The following KIF21B variants were observed in gnomAD, a reference collection of about 807,000 sequenced individuals.
The protein encoded by KIF21B is kinesin-like protein KIF21B.
A neutral mutation model predicts 192.9 loss-of-function variants in KIF21B; 85 were observed. That is an observed-to-expected ratio of 0.44 (90% confidence interval 0.37 to 0.53). KIF21B has a LOEUF of 0.53. KIF21B is among the 20% of genes least tolerant of loss of function. The pLI is 0.00. For synonymous variants in KIF21B, 832 were observed against 884.6 expected (o/e 0.94, Z 1.05); for missense variants, 1,716 against 2,194.8 (o/e 0.78, Z 4.36).
At chr1:201,022,683 G>A (rs1317453377) in intron 1 of KIF21B, among the ~76,000 whole-genome samples, 1 of 152,132 alleles carries the variant, frequency 6.6e-6, no homozygotes. Context: ...AGTGCCTGAG[G>A]ATGGGGCATC....
At chr1:201,005,057 G>T in intron 5 of KIF21B, 124 bp from the exon 6 acceptor site, 1 of 1,142,638 alleles carries the variant, frequency 8.8e-7, no homozygotes. Flanking sequence ...CGCACATGCA[G>T]AGCATCTGAC....
Position 201,000,805 on chromosome 1 carries a change from G to C in KIF21B, c.1403-25C>G. 3 of 1,613,790 alleles carry C rather than the reference G, an allele frequency of 1.9e-6. No homozygotes were observed. Among genetic ancestry groups the C allele is most frequent in the Non-Finnish European group, 2.5e-6 (3 of 1,179,708 alleles). ...CCTGGAGTGGGACGGCGGGAAGAAG[G>C]GTGCGATAAAGAAGATAAATAGGCC... On this transcript the variant is annotated intron_variant, in intron 9 of 34. Transcript: ENST00000461742. The surrounding 1 kb of genome is among the most constrained non-coding windows in gnomAD (Gnocchi z 6.0).
At position 200,999,250 on chromosome 1, in the gene KIF21B, G is replaced by T; in HGVS notation, c.1885+99C>A. ...TGGTTTCACGTCTGGGAGTGCTGGG[G>T]CCTGGACACCATTATCTTTGAGCAG... On this transcript the variant is annotated intron_variant, in intron 13 of 34. Coordinates refer to ENST00000461742, the MANE Select transcript of KIF21B (RefSeq NM_001252102.2). This position sits in a 1 kb window ranked among gnomAD's most constrained non-coding sequence, Gnocchi z 4.7. 7.0e-7 allele frequency: 1 copy of T among 1,424,882 alleles called. No individual in the cohort carries two copies. Among genetic ancestry groups the T allele is most frequent in the Non-Finnish European group, 9.9e-7 (1 of 1,012,470 alleles). 88.3% of individuals were successfully genotyped at this position (1,424,882 alleles called of 1,614,324 possible).
Position 200,998,673 on chromosome 1 carries a change from A to G in KIF21B, c.1886-98T>C. 1 of 1,067,170 alleles carries G rather than the reference A, an allele frequency of 9.4e-7. No homozygotes were observed. The highest frequency in any genetic ancestry group is 1.4e-6 in the Non-Finnish European group (1 of 727,610). 66.1% of individuals were successfully genotyped at this position (1,067,170 alleles called of 1,614,324 possible). A position where few individuals can be genotyped will look rare whatever the true frequency, so the allele number is the denominator to read the frequency against. On this transcript the variant is annotated intron_variant, in intron 13 of 34. Transcript: ENST00000461742. This position sits in a 1 kb window ranked among gnomAD's most constrained non-coding sequence, Gnocchi z 4.3. ...GGGGAGCTGGGACCCTCCTTTGGTC[A>G]GCCATGACCAATCAGTGACCAGAGA... is the stretch of plus-strand genomic sequence containing the variant.
Position 200,986,927 on chromosome 1 carries a change from G to C in KIF21B, c.3615-9C>G. 1 of 1,613,570 alleles carries C rather than the reference G, an allele frequency of 6.2e-7. No homozygotes were observed. Among genetic ancestry groups the C allele is most frequent in the Non-Finnish European group, 8.5e-7 (1 of 1,179,658 alleles). ...CTCGAGATTGCCTAGGGCTACAACA[G>C]AAGAGTCCAGTGAGGCCCAGACCCA... On this transcript the variant is annotated splice_polypyrimidine_tract_variant and intron_variant, in intron 25 of 34. Transcript: ENST00000461742.
At position 200,998,885 on chromosome 1, in the gene KIF21B, G is replaced by C. The variant is rs1395067533; in HGVS notation, c.1886-310C>G. Among the ~76,000 whole-genome samples, 1 of 152,198 alleles carries C rather than the reference G, an allele frequency of 6.6e-6. No individual in the cohort carries two copies. The highest frequency in any genetic ancestry group is 1.9e-4 in the East Asian group (1 of 5,192). On this transcript the variant is annotated intron_variant, in intron 13 of 34. Transcript: ENST00000461742. This position sits in a 1 kb window ranked among gnomAD's most constrained non-coding sequence, Gnocchi z 4.3. ...ACATGGGACCAGCTTCAGTGGAGGA[G>C]GGTGAGATGGCTGAGAGCAACTTAC...
At chr1:200,992,411 G>T in intron 15 of KIF21B, 22 bp from the exon 16 acceptor site, 1 of 1,610,122 alleles carries the variant, frequency 6.2e-7, no homozygotes, top group Non-Finnish European at 8.5e-7. Flanking sequence ...AGAGATTATG[G>T]TGGTGAGACA....
chr1:200,973,627 G>A, intron 34 of KIF21B, 49 bp from the exon 35 acceptor site: 1 of 1,521,704 alleles, frequency 6.6e-7, no homozygotes, highest in Non-Finnish European at 8.8e-7. Flanking sequence ...CTTGCAGTGG[G>A]CTTGGCTGGC....
At chr1:201,018,427 G>A (rs1658638761) in intron 1 of KIF21B, among the ~76,000 whole-genome samples, 1 of 152,212 alleles carries the variant, frequency 6.6e-6, no homozygotes, top group African/African-American at 2.4e-5. Flanking sequence ...TCCCATACAG[G>A]AGAATCTGGA....
At position 201,017,679 on chromosome 1, in the gene KIF21B, C is replaced by G. The variant is rs1658584345; in HGVS notation, c.41+5664G>C. Among the ~76,000 whole-genome samples the G allele has an allele frequency of 6.6e-6, 1 of 152,224 alleles. No homozygotes were observed. The highest frequency in any genetic ancestry group is 1.5e-5 in the Non-Finnish European group (1 of 68,020). On this transcript the variant is annotated intron_variant, in intron 1 of 34. Transcript: ENST00000461742. The surrounding 1 kb of genome is among the most constrained non-coding windows in gnomAD (Gnocchi z 4.1). ...GTGGAGGGCAGCAAGCCTCTCCCCA[C>G]CACACCGGCCCTGGCCCCCTGCCCA...
intron 30 of KIF21B, among the ~76,000 whole-genome samples, chr1:200,978,014 G>A (rs1202429201): frequency 1.3e-5 from 2 of 151,562 alleles, no homozygotes; most frequent in South Asian, 2.1e-4. Context: ...GATTACAGGC[G>A]TGAGCCACTG....
Position 200,972,465 on chromosome 1 carries a change from C to T in KIF21B, c.*1056G>A, listed in dbSNP as rs959854217. ...CACGCAGGACTGTGGGGCAGAACCC[C>T]GGGGCCTGGGCTGTGGGGTGAGCGC... On this transcript the variant is annotated 3_prime_UTR_variant, in exon 35 of 35. Transcript: ENST00000461742. 1.3e-5 allele frequency: 2 copies of T among 152,288 alleles called. No homozygotes were observed. The highest frequency in any genetic ancestry group is 2.9e-5 in the Non-Finnish European group (2 of 68,050). The allele number at this position is 152,288 out of a possible 1,614,324, so 9.4% of individuals were successfully genotyped here. A position where few individuals can be genotyped will look rare whatever the true frequency, so the allele number is the denominator to read the frequency against.
At position 201,004,896 on chromosome 1, in the gene KIF21B, G is replaced by A. The variant is rs1199476738; in HGVS notation, c.770C>T (p.Pro257Leu). 4 of 1,611,292 alleles carry A rather than the reference G, an allele frequency of 2.5e-6. No individual in the cohort carries two copies. The South Asian group carries it at 3.3e-5, about 13-fold the overall frequency. The part of the protein sequence containing the change: ...EAVTGLPDGT[P>L]PSSEYETLTA... ...GAGTGTCTCATACTCACTCGAGGGAGGTGTACCATCAGGAAGCCCAGTCAC... is the reference window on the plus strand; with the variant it reads ...GAGTGTCTCATACTCACTCGAGGGAAGTGTACCATCAGGAAGCCCAGTCAC... The change falls in exon 6 of 35, where the codon CCT becomes CTT. Residue 257 changes from proline to leucine, a missense_variant. Physicochemically the swap from Pro to Leu is moderately conservative, Grantham distance 98 (BLOSUM62 -3). Transcript: ENST00000461742.
intron 29 of KIF21B, 30 bp from the exon 30 acceptor site, chr1:200,979,745 G>C (rs1421638601): frequency 6.7e-7 from 1 of 1,482,472 alleles, no homozygotes; most frequent in East Asian, 2.6e-5. Flanking sequence ...GCCACAGGGA[G>C]GGGAGGGATG....
At chr1:200,981,344 C>T (rs1023911019) in intron 28 of KIF21B, among the ~76,000 whole-genome samples, 1 of 152,202 alleles carries the variant, frequency 6.6e-6, no homozygotes, top group Non-Finnish European at 1.5e-5. Context: ...GGAAGCAAAC[C>T]CGGTGTTAGG....
intron 8 of KIF21B, chr1:201,003,176 C>T (rs1268158521): frequency 8.4e-6 from 2 of 237,184 alleles, no homozygotes; most frequent in African/African-American, 2.3e-5. Context: ...CTCTGCCCCT[C>T]TGCAGCACAC....
chr1:201,008,209 C>G (rs572262714), intron 3 of KIF21B, among the ~76,000 whole-genome samples: 20 of 152,334 alleles, frequency 1.3e-4, no homozygotes, highest in African/African-American at 3.4e-4. Context: ...CCCTCCCTGG[C>G]TGCCACAGTC....
At chr1:201,015,879 G>A (rs923767874) in intron 1 of KIF21B, among the ~76,000 whole-genome samples, 2 of 152,142 alleles carry the variant, frequency 1.3e-5, no homozygotes, top group African/African-American at 4.8e-5. Flanking sequence ...AGGCTGGAGG[G>A]GTCTGTGCAG....
rs1657535282 is a variant in KIF21B at position 201,002,200 on chromosome 1, G to T, written c.1363C>A (p.Leu455Ile). ...AGCAGGTTGGCCTCCTGGCTCATGAGCTGGGTGACGCGGTTGTTGATGGCA... is the reference window on the plus strand; with the variant it reads ...AGCAGGTTGGCCTCCTGGCTCATGATCTGGGTGACGCGGTTGTTGATGGCA... ...IDAINNRVTQ[L>I]MSQEANLLLA... The change falls in exon 9 of 35, where the codon CTC (leucine) becomes ATC (isoleucine). Residue 455 changes from leucine (L) to isoleucine (I), a missense_variant. Coordinates refer to ENST00000461742, the MANE Select transcript of KIF21B (RefSeq NM_001252102.2). 6.2e-7 allele frequency: 1 copy of T among 1,614,076 alleles called. No homozygotes were observed. The highest frequency in any genetic ancestry group is 8.5e-7 in the Non-Finnish European group (1 of 1,180,050).
Sources: allele counts gnomAD v4.1 joint callset (sites outside exome capture counted in the v4.1 genomes callset), GRCh38; gene constraint gnomAD v4.1.1; non-coding constraint Gnocchi (gnomAD v3.1); transcripts MANE v1.5; gene names NCBI Gene and HGNC (gene_info 2026-07-23, HGNC 2026-07-21).